The following MEPE variants were observed in gnomAD, a reference collection of about 807,000 sequenced individuals.
MEPE encodes the protein matrix extracellular phosphoglycoprotein.
A neutral mutation model predicts 7.3 loss-of-function variants in MEPE; 7 were observed. The observed-to-expected ratio is 0.95, with a 90% CI of 0.54 to 1.79. The LOEUF is 1.79. Ranked by LOEUF, MEPE falls within the 40% of genes most tolerant of loss-of-function variation. The pLI, the probability that MEPE is intolerant of heterozygous loss-of-function variation, is 0.00. For missense variants in MEPE, 623 were observed against 628.2 expected, an observed-to-expected ratio of 0.99 and a Z score of 0.09; for synonymous variants, 214 against 213.1, an observed-to-expected ratio of 1.00 and a Z score of -0.04.
intron 2 of MEPE, among the ~76,000 whole-genome samples, chr4:87,836,916 AG>A (rs1317850515): frequency 1.3e-5 from 2 of 152,354 alleles, no homozygotes; most frequent in Non-Finnish European, 2.9e-5. Flanking sequence ...AACTATAAAG[AG>A]TCCTATAAAT....
chr4:87,841,049 T>C (rs1037913138), intron 3 of MEPE, among the ~76,000 whole-genome samples: 1 of 152,246 alleles, frequency 6.6e-6, no homozygotes, highest in East Asian at 1.9e-4. Flanking sequence ...AGTTGTTTCA[T>C]GTTTTCATTT....
At position 87,838,317 on chromosome 4, in the gene MEPE, G is replaced by A. The variant is rs544956280; in HGVS notation, c.55-315G>A. ...TTCAGTGGATTCTGATGGCAGCCAA[G>A]CTCCTTCGTCTGGGGTGCCATCCCT... On this transcript the variant is annotated intron_variant, in intron 2 of 3. Transcript: ENST00000361056. Among the ~76,000 whole-genome samples the A allele has an allele frequency of 3.9e-5, 6 of 152,256 alleles. No individual in the cohort carries two copies. The East Asian group carries it at 1.2e-3, about 29-fold the overall frequency.
intron 3 of MEPE, among the ~76,000 whole-genome samples, chr4:87,843,725 G>T (rs780878726): frequency 1.3e-5 from 2 of 152,132 alleles, no homozygotes; most frequent in African/African-American, 4.8e-5. Context: ...AGCTAAAATA[G>T]TTATTTAAAT....
upstream of MEPE, among the ~76,000 whole-genome samples, chr4:87,832,109 A>AG (rs1560535785): frequency 6.6e-6 from 1 of 151,916 alleles, no homozygotes; most frequent in Non-Finnish European, 1.5e-5. Flanking sequence ...TTCACACTGC[A>AG]GACAAGCAGA....
intron 1 of MEPE, among the ~76,000 whole-genome samples, chr4:87,833,841 T>C (rs1453147687): frequency 6.6e-6 from 1 of 152,202 alleles, no homozygotes; most frequent in Non-Finnish European, 1.5e-5. Flanking sequence ...ATGATTTGCC[T>C]TTAAGTCAAC....
chr4:87,843,195 G>A (rs985069165), intron 3 of MEPE, among the ~76,000 whole-genome samples: 6 of 152,114 alleles, frequency 3.9e-5, no homozygotes, highest in African/African-American at 1.4e-4. Flanking sequence ...CCTCCTACAT[G>A]TTCTTTCTTA....
chr4:87,826,398 G>C (rs1017945115), intron 1 of MEPE, among the ~76,000 whole-genome samples: 1 of 149,330 alleles, frequency 6.7e-6, no homozygotes, highest in African/African-American at 2.5e-5. Context: ...TTTTGTTTTT[G>C]TTTTTTGTTT....
In MEPE at chr4:87,833,848, C is replaced by T. The variant is rs184989354; in HGVS notation, c.-13+834C>T. 1.4e-4 allele frequency among the ~76,000 whole-genome samples: 22 copies of T among 152,132 alleles called. No homozygotes were observed. In the East Asian group the frequency reaches 4.2e-3, roughly 29 times the overall value. ...TATAAAATATGATTTGCCTTTAAGTCAACTGTACATGGATTTTTCTGTAAT... is the reference window on the plus strand; with the variant it reads ...TATAAAATATGATTTGCCTTTAAGTTAACTGTACATGGATTTTTCTGTAAT... On this transcript the variant is annotated intron_variant, in intron 1 of 3. Transcript: ENST00000361056.
upstream of MEPE, among the ~76,000 whole-genome samples, chr4:87,830,778 G>T (rs1327335312): frequency 6.6e-6 from 1 of 151,346 alleles, no homozygotes; most frequent in East Asian, 1.9e-4. Context: ...AGGAGGAAAA[G>T]CAGCTCTGGA....
At chr4:87,832,551 G>A (rs555958378), upstream of MEPE, among the ~76,000 whole-genome samples, 87 of 152,076 alleles carry the variant, frequency 5.7e-4, no homozygotes, top group African/African-American at 2.0e-3. Context: ...CTGCAGTTTC[G>A]CCAATGCCTG....
At chr4:87,822,707 G>A (rs928152118) in intron 1 of MEPE, among the ~76,000 whole-genome samples, 8 of 152,146 alleles carry the variant, frequency 5.3e-5, no homozygotes, top group Admixed American at 5.2e-4. Flanking sequence ...TACTCACAAA[G>A]AAGTCTGCAG....
chr4:87,845,409 C>A lies in MEPE; in HGVS notation c.541C>A (p.Pro181Thr). The A allele has an allele frequency of 6.2e-7, 1 of 1,613,814 alleles. No homozygotes were observed. Among genetic ancestry groups the A allele is most frequent in the Non-Finnish European group, 8.5e-7 (1 of 1,179,944 alleles). Residue 181 changes from proline to threonine, a missense_variant, in exon 4 of 4, where the codon CCA becomes ACA. By Grantham distance (38) the Pro-to-Thr change is conservative (BLOSUM62 -1). Coordinates refer to ENST00000361056, the MANE Select transcript of MEPE (RefSeq NM_020203.6). The stretch of plus-strand genomic sequence containing the variant: ...ACCTAGGAATGTTCTAAACATAATC[C>A]CAGCAAGTATGAATTATGCTAAAGC... ...NTPRNVLNIIPASMNYAKAHS... is the reference protein window; with the variant it reads ...NTPRNVLNIITASMNYAKAHS...
At chr4:87,841,626 C>T (rs1293106515) in intron 3 of MEPE, among the ~76,000 whole-genome samples, 11 of 152,158 alleles carry the variant, frequency 7.2e-5, no homozygotes, top group Admixed American at 7.2e-4. Flanking sequence ...TTTCCGCCTA[C>T]TTCCAACAGT....
At chr4:87,842,542 C>CA (rs1302042883) in intron 3 of MEPE, among the ~76,000 whole-genome samples, 1 of 152,144 alleles carries the variant, frequency 6.6e-6, no homozygotes, top group Admixed American at 6.6e-5. Flanking sequence ...ACATCAGAGT[C>CA]AAGGTCTGAT....
intron 3 of MEPE, among the ~76,000 whole-genome samples, chr4:87,840,843 G>A (rs1041069127): frequency 6.6e-6 from 1 of 152,062 alleles, no homozygotes; most frequent in Non-Finnish European, 1.5e-5. Context: ...GGGTGAGGCC[G>A]TTCTCCATGA....
chr4:87,828,022 C>T (rs140722699), upstream of MEPE, among the ~76,000 whole-genome samples: 1 of 152,164 alleles, frequency 6.6e-6, no homozygotes, highest in Non-Finnish European at 1.5e-5. Context: ...TATTGATACT[C>T]ATGAATGAAC....
At chr4:87,832,168 T>C (rs1585617), upstream of MEPE, among the ~76,000 whole-genome samples, 37,591 of 151,814 alleles carry the variant, frequency 0.25, 5,238 homozygotes, top group African/African-American at 0.37. Flanking sequence ...TATAAGGTCA[T>C]TAATCCCATT....
intron 1 of MEPE, among the ~76,000 whole-genome samples, chr4:87,827,654 A>C (rs543339407): frequency 4.6e-5 from 7 of 152,346 alleles, no homozygotes; most frequent in African/African-American, 1.7e-4. Context: ...TCCTGAAGGA[A>C]AGGGCTAGCA....
intron 1 of MEPE, chr4:87,821,609 T>G (rs995802888): frequency 2.0e-5 from 3 of 152,200 alleles, no homozygotes; most frequent in Non-Finnish European, 4.4e-5. Flanking sequence ...GGGCAAAACA[T>G]GTATGTGTGC....
Sources: gnomAD v4.1 joint callset for allele counts (sites outside exome capture counted in the v4.1 genomes callset) on GRCh38, gnomAD v4.1.1 for gene constraint, MANE v1.5 for transcripts, NCBI Gene and HGNC (gene_info 2026-07-23, HGNC 2026-07-21) for gene names.